MAP2: variants seen among roughly 807,000 people sequenced by gnomAD.
MAP2 encodes microtubule-associated protein 2.
Under a neutral mutation model 137.6 loss-of-function variants are expected in MAP2, and 14 were observed. The observed-to-expected ratio is 0.10, with a 90% confidence interval of 0.07 to 0.16. MAP2 has a LOEUF of 0.16. Among genes scored for constraint, MAP2 ranks in the 10% least tolerant of loss-of-function variants. The pLI, the probability that MAP2 is intolerant of heterozygous loss-of-function variation, is 1.00. For synonymous variants in MAP2, 786 were observed against 782.3 expected, an observed-to-expected ratio of 1.00 and a Z score of -0.08; for missense variants, 2,088 against 2,191.5, an observed-to-expected ratio of 0.95 and a Z score of 0.94.
chr2:209,665,598 A>G (rs1228595317), intron 5 of MAP2, among the ~76,000 whole-genome samples: 2 of 152,196 alleles, frequency 1.3e-5, no homozygotes, highest in Non-Finnish European at 2.9e-5. Flanking sequence ...GTATACCAGT[A>G]TCGTCTTGGA....
intron 2 of MAP2, among the ~76,000 whole-genome samples, chr2:209,533,211 C>G (rs1363024818): frequency 6.6e-6 from 1 of 152,036 alleles, no homozygotes; most frequent in Admixed American, 6.6e-5. Flanking sequence ...ATGGCATGGT[C>G]TCAGCTCACT....
At chr2:209,705,551 C>A (rs758596206) in intron 11 of MAP2, 29 bp from the exon 12 acceptor site, 1 of 1,547,208 alleles carries the variant, frequency 6.5e-7, no homozygotes, top group Non-Finnish European at 8.7e-7. Flanking sequence ...TTACAAGAAC[C>A]CAATGTTCTT....
At chr2:209,500,904 G>A (rs1466410200) in intron 1 of MAP2, among the ~76,000 whole-genome samples, 1 of 151,838 alleles carries the variant, frequency 6.6e-6, no homozygotes, top group African/African-American at 2.4e-5. Context: ...GGGCATGGTG[G>A]TGCATGCCTC....
At chr2:209,499,480 A>G (rs1187697992) in intron 1 of MAP2, among the ~76,000 whole-genome samples, 1 of 152,078 alleles carries the variant, frequency 6.6e-6, no homozygotes, top group Admixed American at 6.6e-5. Context: ...TCAGCTCATT[A>G]CCCAGTTCCA....
chr2:209,493,976 A>G (rs1269143853), intron 1 of MAP2, among the ~76,000 whole-genome samples: 1 of 152,230 alleles, frequency 6.6e-6, no homozygotes, highest in Non-Finnish European at 1.5e-5. Flanking sequence ...ATAAAGACAC[A>G]TGCACTTGTA....
intron 1 of MAP2, among the ~76,000 whole-genome samples, chr2:209,431,570 TG>T (rs1559152939): frequency 6.6e-6 from 1 of 152,154 alleles, no homozygotes; most frequent in African/African-American, 2.4e-5. Flanking sequence ...TGTGAACCTG[TG>T]GAGTACATAT....
chr2:209,708,775 T>C (rs1318467378), intron 12 of MAP2, among the ~76,000 whole-genome samples: 1 of 152,220 alleles, frequency 6.6e-6, no homozygotes, highest in African/African-American at 2.4e-5. Flanking sequence ...AAATGAAATT[T>C]GCATGCTTAA....
chr2:209,441,501 T>C (rs914479165), intron 1 of MAP2, among the ~76,000 whole-genome samples: 2 of 151,572 alleles, frequency 1.3e-5, no homozygotes, highest in Non-Finnish European at 3.0e-5. Flanking sequence ...AAAAAGGAGG[T>C]ATCCCCAAAG....
At position 209,696,053 on chromosome 2, in the gene MAP2, G is replaced by A. The variant is rs765928685; in HGVS notation, c.3883G>A (p.Val1295Met). 2.5e-6 allele frequency: 4 copies of A among 1,613,962 alleles called. No individual in the cohort carries two copies. Among genetic ancestry groups the A allele is most frequent in the Admixed American group, 1.7e-5 (1 of 59,996 alleles). Residue 1295 changes from valine (V) to methionine (M), a missense_variant, in exon 8 of 16, where the codon GTG (valine) becomes ATG (methionine). By Grantham distance (21) the Val-to-Met change is conservative. This residue lies in a region of MAP2 where 591 missense variants were observed against 642.6 expected (regional missense o/e 0.92). Coordinates refer to ENST00000682079, the MANE Select transcript of MAP2 (RefSeq NM_001375505.1). Reference sequence around the variant, plus strand: ...CATCGAGGATGATTTCATCACTGTAGTGCAAACCACAACTGATGAAGGGGA... The same window carrying A: ...CATCGAGGATGATTTCATCACTGTAATGCAAACCACAACTGATGAAGGGGA... ...VTIEDDFITV[V>M]QTTTDEGESG...
chr2:209,565,096 T>C (rs2073100689), intron 2 of MAP2, among the ~76,000 whole-genome samples: 1 of 152,198 alleles, frequency 6.6e-6, no homozygotes, highest in African/African-American at 2.4e-5. Context: ...GGCTTCAAGA[T>C]TACTCATAAC....
At chr2:209,649,275 C>T (rs1280133394) in intron 4 of MAP2, among the ~76,000 whole-genome samples, 1 of 152,080 alleles carries the variant, frequency 6.6e-6, no homozygotes, top group Non-Finnish European at 1.5e-5. Context: ...CCTCGACCTC[C>T]CAAAGTGCTG....
chr2:209,493,453 A>G (rs903850187), intron 1 of MAP2, among the ~76,000 whole-genome samples: 14 of 152,218 alleles, frequency 9.2e-5, no homozygotes, highest in Admixed American at 5.2e-4. Flanking sequence ...TAATGAAACT[A>G]AAGAGCTTCT....
intron 2 of MAP2, among the ~76,000 whole-genome samples, chr2:209,528,934 A>T (rs2064649650): frequency 6.7e-6 from 1 of 148,496 alleles, no homozygotes; most frequent in Non-Finnish European, 1.5e-5. Flanking sequence ...ATATATATAC[A>T]TACATATGTA....
chr2:209,642,855 T>A (rs1435118997), intron 4 of MAP2, among the ~76,000 whole-genome samples: 1 of 152,222 alleles, frequency 6.6e-6, no homozygotes, highest in Non-Finnish European at 1.5e-5. Context: ...CTTCTCAGCA[T>A]TTATAAGCAA....
intron 3 of MAP2, among the ~76,000 whole-genome samples, chr2:209,592,361 T>G (rs978303005): frequency 6.6e-6 from 1 of 152,198 alleles, no homozygotes; most frequent in African/African-American, 2.4e-5. Flanking sequence ...CATGACTTAC[T>G]TACCCTCATT....
At chr2:209,557,015 T>G (rs550964526) in intron 2 of MAP2, among the ~76,000 whole-genome samples, 1 of 152,304 alleles carries the variant, frequency 6.6e-6, no homozygotes, top group South Asian at 2.1e-4. Context: ...ATCTACCAGA[T>G]AAGGAAATAT....
intron 2 of MAP2, among the ~76,000 whole-genome samples, chr2:209,534,117 A>C (rs762603353): frequency 1.3e-5 from 2 of 152,218 alleles, no homozygotes; most frequent in African/African-American, 2.4e-5. Flanking sequence ...GACCAACTTG[A>C]TTATTCCTGA....
intron 3 of MAP2, among the ~76,000 whole-genome samples, chr2:209,587,311 C>G (rs1468157408): frequency 6.6e-6 from 1 of 152,114 alleles, no homozygotes; most frequent in Non-Finnish European, 1.5e-5. Context: ...ACTAAAAGCC[C>G]CGGGTGACTC....
At chr2:209,551,946 C>T (rs2069266779) in intron 2 of MAP2, among the ~76,000 whole-genome samples, 2 of 152,176 alleles carry the variant, frequency 1.3e-5, no homozygotes, top group Admixed American at 6.5e-5. Flanking sequence ...ACTGAAGACT[C>T]ATCCCAAAGC....
Sources: allele counts gnomAD v4.1 joint callset (sites outside exome capture counted in the v4.1 genomes callset), GRCh38; gene constraint gnomAD v4.1.1; regional missense constraint gnomAD v4.1.1; transcripts MANE v1.5; gene names NCBI Gene and HGNC (gene_info 2026-07-23, HGNC 2026-07-21).